The following GLG1 variants were observed in gnomAD, a reference collection of about 807,000 sequenced individuals.
The protein encoded by GLG1 is Golgi apparatus protein 1.
Under a neutral mutation model 160.5 loss-of-function variants are expected in GLG1, and 38 were observed. The observed-to-expected ratio is 0.24, with a 90% CI of 0.18 to 0.31. The LOEUF (loss-of-function observed/expected upper bound fraction) is 0.31. Ranked by LOEUF, GLG1 falls within the 10% of genes least tolerant of loss-of-function variation. The pLI is 1.00. For missense variants in GLG1, 1,373 were observed against 1,505.2 expected, an observed-to-expected ratio of 0.91 and a Z score of 1.45; for synonymous variants, 644 against 543.4, an observed-to-expected ratio of 1.19 and a Z score of -2.57.
rs1347023372 is a variant in GLG1, at chr16:74,447,720, G to A, written c.*5447C>T. The stretch of plus-strand genomic sequence containing the variant: ...TACAGACTGTTTTCCGGATGGACTG[G>A]TTTGGGAACACTGTGCTGGGGGAAG... On this transcript the variant is annotated 3_prime_UTR_variant, in exon 26 of 26. Coordinates refer to ENST00000422840, the MANE Select transcript of GLG1 (RefSeq NM_001145667.2). 2.0e-5 allele frequency: 3 copies of A among 152,296 alleles called. No individual in the cohort carries two copies. Among genetic ancestry groups the A allele is most frequent in the African/African-American group, 7.2e-5 (3 of 41,470 alleles). The allele number at this position is 152,296 out of a possible 1,614,324, so 9.4% of individuals were successfully genotyped here.
At chr16:74,567,201 G>A (rs531016688) in intron 1 of GLG1, among the ~76,000 whole-genome samples, 1 of 147,422 alleles carries the variant, frequency 6.8e-6, no homozygotes, top group Non-Finnish European at 1.5e-5. Context: ...AGGGAGCGGG[G>A]AGAGAGAGAC....
chr16:74,468,116 ACT>A (rs1168203647), intron 17 of GLG1: 1 of 324,842 alleles, frequency 3.1e-6, no homozygotes, highest in Non-Finnish European at 5.5e-6. Context: ...TGTGAAAATC[ACT>A]TTGGAAAGTC....
intron 2 of GLG1, among the ~76,000 whole-genome samples, chr16:74,510,632 T>C (rs2016774518): frequency 6.6e-6 from 1 of 152,196 alleles, no homozygotes. Context: ...CAGTCATCAA[T>C]CACTGATTCA....
intron 1 of GLG1, among the ~76,000 whole-genome samples, chr16:74,562,804 G>A (rs1950204466): frequency 1.3e-5 from 2 of 152,120 alleles, no homozygotes; most frequent in Non-Finnish European, 2.9e-5. Context: ...CCCACCCACT[G>A]AGGACATTCA....
chr16:74,462,952 AAAAAGAAAT>A, intron 20 of GLG1: 1 of 420,450 alleles, frequency 2.4e-6, no homozygotes, highest in Non-Finnish European at 4.2e-6. Flanking sequence ...GAGAACACTG[AAAAAGAAAT>A]ACAATATCCA....
chr16:74,477,245 A>C, intron 12 of GLG1, 151 bp downstream of exon 12: 1 of 684,096 alleles, frequency 1.5e-6, no homozygotes, highest in Non-Finnish European at 2.5e-6. Context: ...AATTTTCCTG[A>C]GAATTTCTTC....
intron 1 of GLG1, among the ~76,000 whole-genome samples, chr16:74,590,131 G>C (rs1958139604): frequency 6.6e-6 from 1 of 151,756 alleles, no homozygotes; most frequent in Admixed American, 6.6e-5. Flanking sequence ...CCAAGTAGTA[G>C]GGACTACAGG....
chr16:74,459,244 C>A (rs1258224177), intron 23 of GLG1, among the ~76,000 whole-genome samples: 1 of 152,060 alleles, frequency 6.6e-6, no homozygotes, highest in Non-Finnish European at 1.5e-5. Context: ...TTTGGAAGGC[C>A]GAGGCGGGTG....
chr16:74,496,134 G>A (rs2016177633), intron 5 of GLG1, among the ~76,000 whole-genome samples: 1 of 152,112 alleles, frequency 6.6e-6, no homozygotes, highest in African/African-American at 2.4e-5. Context: ...CAGGCAAGAT[G>A]GTGCTTGCCT....
At chr16:74,597,255 A>G (rs1958327493) in intron 1 of GLG1, among the ~76,000 whole-genome samples, 1 of 151,510 alleles carries the variant, frequency 6.6e-6, no homozygotes, top group Non-Finnish European at 1.5e-5. Context: ...ACATGGCGAA[A>G]CCCCGTCTCT....
intron 1 of GLG1, among the ~76,000 whole-genome samples, chr16:74,561,675 G>C (rs1438727152): frequency 6.6e-6 from 1 of 152,138 alleles, no homozygotes; most frequent in African/African-American, 2.4e-5. Context: ...AATTACCTAT[G>C]ATAACCCATT....
intron 11 of GLG1, among the ~76,000 whole-genome samples, chr16:74,478,909 G>A (rs76549870): frequency 0.042 from 1,171 of 27,806 alleles, 27 homozygotes; most frequent in South Asian, 0.18. Flanking sequence ...AAAAAAAAAA[G>A]GGGGGGGTTA....
chr16:74,512,874 G>A lies in GLG1; in HGVS notation c.472-3949C>T, dbSNP rs1048866456. Reference sequence around the variant, plus strand: ...TTGGTGAGTGGTAAGAGGAGGGACAGGGAGTCTTGGTAGCAGTCCAGTCAT... The same window carrying A: ...TTGGTGAGTGGTAAGAGGAGGGACAAGGAGTCTTGGTAGCAGTCCAGTCAT... On this transcript the variant is annotated intron_variant, in intron 2 of 25. Coordinates refer to ENST00000422840, the MANE Select transcript of GLG1 (RefSeq NM_001145667.2). 1.1e-4 allele frequency among the ~76,000 whole-genome samples: 17 copies of A among 152,152 alleles called. 1 individual carries two copies. The highest frequency in any genetic ancestry group is 4.1e-4 in the African/African-American group (17 of 41,440).
At chr16:74,569,093 A>G (rs1333067811) in intron 1 of GLG1, among the ~76,000 whole-genome samples, 1 of 152,220 alleles carries the variant, frequency 6.6e-6, no homozygotes, top group Non-Finnish European at 1.5e-5. Flanking sequence ...AAATCTAATG[A>G]GATAGTCCTC....
chr16:74,601,145 C>T (rs895895265), intron 1 of GLG1, among the ~76,000 whole-genome samples: 1 of 152,126 alleles, frequency 6.6e-6, no homozygotes, highest in Non-Finnish European at 1.5e-5. Flanking sequence ...TTGAATTATT[C>T]ATTGTCACTG....
chr16:74,606,835 G>GGCTGAGGCT lies in GLG1; in HGVS notation c.251_259dup (p.Gln84_Gln86dup). On this transcript the variant is annotated inframe_insertion, in exon 1 of 26. Coordinates refer to ENST00000422840, the MANE Select transcript of GLG1 (RefSeq NM_001145667.2). ...ACCCGCCGGGAAAGGCGGCTGCGGC[G>GGCTGAGGCT]GCTGAGGCTGCTGTTGCTGTTGCTG... 9 of 1,598,792 alleles carry GGCTGAGGCT rather than the reference G, an allele frequency of 5.6e-6. No homozygotes were observed. The highest frequency in any genetic ancestry group is 6.8e-6 in the Non-Finnish European group (8 of 1,172,892).
At chr16:74,594,095 C>A (rs1037312587) in intron 1 of GLG1, among the ~76,000 whole-genome samples, 1 of 151,888 alleles carries the variant, frequency 6.6e-6, no homozygotes, top group Non-Finnish European at 1.5e-5. Context: ...GTAGGAGAGA[C>A]GGGATTTCGA....
chr16:74,568,486 C>G (rs1444072677), intron 1 of GLG1, among the ~76,000 whole-genome samples: 1 of 150,006 alleles, frequency 6.7e-6, no homozygotes, highest in Non-Finnish European at 1.5e-5. Context: ...GGCATGATCT[C>G]GGCTCACTGG....
chr16:74,468,866 C>T (rs200964528), intron 17 of GLG1, 80 bp downstream of exon 17: 6 of 850,764 alleles, frequency 7.1e-6, no homozygotes, highest in Admixed American at 1.8e-5. Context: ...TAAAATGCCT[C>T]CCCCTTGCCC....
Sources: allele counts gnomAD v4.1 joint callset (sites outside exome capture counted in the v4.1 genomes callset), GRCh38; gene constraint gnomAD v4.1.1; transcripts MANE v1.5; gene names NCBI Gene and HGNC (gene_info 2026-07-23, HGNC 2026-07-21).